FARP2: variants seen among roughly 807,000 people sequenced by gnomAD.
The protein encoded by FARP2 is FERM, ARHGEF and pleckstrin domain-containing protein 2.
A neutral mutation model predicts 130.5 loss-of-function variants in FARP2; 111 were observed. The ratio of observed to expected loss-of-function variants is 0.85; its 90% CI spans 0.73 to 1.00. The LOEUF (loss-of-function observed/expected upper bound fraction) is 1.00. Among genes scored for constraint, FARP2 ranks in the 50% least tolerant of loss-of-function variants. The pLI is 0.00. For synonymous variants in FARP2, 504 were observed against 516.9 expected (o/e 0.98, Z 0.34); for missense variants, 1,385 against 1,346.3 (o/e 1.03, Z -0.45).
chr2:241,386,301 G>T (rs1212657550), intron 2 of FARP2, among the ~76,000 whole-genome samples: 1 of 152,110 alleles, frequency 6.6e-6, no homozygotes, highest in Non-Finnish European at 1.5e-5. Flanking sequence ...GCTCAGGCTA[G>T]CTTGAGCCTG....
At chr2:241,473,377 G>T (rs1574893940) in intron 18 of FARP2, among the ~76,000 whole-genome samples, 1 of 151,420 alleles carries the variant, frequency 6.6e-6, no homozygotes, top group African/African-American at 2.4e-5. Flanking sequence ...TTCTGTGGGG[G>T]CCATGTTCTG....
intron 14 of FARP2, among the ~76,000 whole-genome samples, chr2:241,461,653 G>T (rs1261779834): frequency 6.6e-6 from 1 of 152,216 alleles, no homozygotes; most frequent in East Asian, 1.9e-4. Context: ...GGGGCAGGGG[G>T]CAGTGTCCAG....
rs139579563 is a variant in FARP2, at chr2:241,367,211, G to A, written c.-24-5873G>A. Reference sequence around the variant, plus strand: ...TCTCCCCAAGCTTCTGGGGCCAAGCGTGGTTTCTGTGATGCTGGGGCCACA... The same window carrying A: ...TCTCCCCAAGCTTCTGGGGCCAAGCATGGTTTCTGTGATGCTGGGGCCACA... On this transcript the variant is annotated intron_variant, in intron 1 of 26. Coordinates refer to ENST00000264042, the MANE Select transcript of FARP2 (RefSeq NM_014808.4). Among the ~76,000 whole-genome samples the A allele has an allele frequency of 2.3e-4, 35 of 152,214 alleles. No homozygotes were observed. In the East Asian group the frequency reaches 6.2e-3, roughly 27 times the overall value.
At chr2:241,358,176 G>A (rs1243932517) in intron 1 of FARP2, among the ~76,000 whole-genome samples, 2 of 152,280 alleles carry the variant, frequency 1.3e-5, no homozygotes, top group African/African-American at 4.8e-5. Context: ...GCGACAGAGC[G>A]AGACTCTGTC....
At chr2:241,382,907 A>AT (rs1337865820) in intron 2 of FARP2, among the ~76,000 whole-genome samples, 2 of 152,272 alleles carry the variant, frequency 1.3e-5, no homozygotes. Flanking sequence ...TTTGGTCTAC[A>AT]TCATATTTGA....
At position 241,369,567 on chromosome 2, in the gene FARP2, C is replaced by T. The variant is rs368266942; in HGVS notation, c.-24-3517C>T. On this transcript the variant is annotated intron_variant, in intron 1 of 26. Coordinates refer to ENST00000264042, the MANE Select transcript of FARP2 (RefSeq NM_014808.4). ...TTTTTTTTAGCAGTAGATGTTTAGA[C>T]ATGACTTTCTTATAATGAGTAGAAG... is the stretch of plus-strand genomic sequence containing the variant. Among the ~76,000 whole-genome samples the T allele has an allele frequency of 2.8e-4, 43 of 151,836 alleles. No individual in the cohort carries two copies. The East Asian group carries it at 5.0e-3, about 18-fold the overall frequency.
At chr2:241,492,644 T>C (rs1388290118) in intron 24 of FARP2, 1 of 355,282 alleles carries the variant, frequency 2.8e-6, no homozygotes, top group African/African-American at 2.1e-5. Context: ...TTCTCTCTTC[T>C]GGCTGTTGGA....
chr2:241,456,192 T>C (rs913901699), intron 13 of FARP2, among the ~76,000 whole-genome samples: 2 of 152,088 alleles, frequency 1.3e-5, no homozygotes, highest in Admixed American at 6.6e-5. Flanking sequence ...CAAAATAAAA[T>C]CCCCATTAAT....
At chr2:241,490,154 G>C (rs2124909312) in intron 22 of FARP2, 110 bp downstream of exon 22, 1 of 772,200 alleles carries the variant, frequency 1.3e-6, no homozygotes, top group Middle Eastern at 2.8e-4. Context: ...GTAGCCTCAT[G>C]GGGTTGTGCC....
chr2:241,493,452 T>C lies in FARP2; in HGVS notation c.3047+8T>C. The stretch of plus-strand genomic sequence containing the variant: ...CAAGTACACATTTGAAAGGTAATTT[T>C]GCAGGAGGCAGCCCTGGTCAGCTGC... On this transcript the variant is annotated splice_region_variant and intron_variant, in intron 26 of 26. Transcript: ENST00000264042. 6.2e-7 allele frequency: 1 copy of C among 1,613,534 alleles called. No homozygotes were observed. The highest frequency in any genetic ancestry group is 1.3e-5 in the African/African-American group (1 of 75,034).
At chr2:241,472,530 A>AT (rs1306806699) in intron 18 of FARP2, among the ~76,000 whole-genome samples, 1 of 147,026 alleles carries the variant, frequency 6.8e-6, no homozygotes, top group African/African-American at 2.5e-5. Context: ...TCTGTGGGGC[A>AT]TCTCATTCTG....
Position 241,490,062 on chromosome 2 carries a change from C to G in FARP2, c.2504+18C>G. The G allele has an allele frequency of 6.3e-7, 1 of 1,593,110 alleles. No homozygotes were observed. Among genetic ancestry groups the G allele is most frequent in the South Asian group, 1.1e-5 (1 of 90,660 alleles). Reference sequence around the variant, plus strand: ...GCAGCCAGGTAAGGGTCTTCCATGTCTCCATCCTGAGCAGCCCTGGATGGA... The same window carrying G: ...GCAGCCAGGTAAGGGTCTTCCATGTGTCCATCCTGAGCAGCCCTGGATGGA... On this transcript the variant is annotated intron_variant, in intron 22 of 26. Coordinates refer to ENST00000264042, the MANE Select transcript of FARP2 (RefSeq NM_014808.4).
At chr2:241,425,971 T>G (rs143163188) in intron 8 of FARP2, among the ~76,000 whole-genome samples, 52 of 152,048 alleles carry the variant, frequency 3.4e-4, no homozygotes, top group African/African-American at 1.2e-3. Context: ...AGACTAGAAT[T>G]CTGTGCTCTG....
intron 8 of FARP2, among the ~76,000 whole-genome samples, chr2:241,421,857 C>A (rs1559754155): frequency 6.6e-6 from 1 of 152,154 alleles, no homozygotes; most frequent in Non-Finnish European, 1.5e-5. Flanking sequence ...GCCCTAAAAA[C>A]AACAGGCCAG....
intron 7 of FARP2, 142 bp from the exon 8 acceptor site, chr2:241,417,813 TGTAGTGG>T: frequency 1.3e-6 from 1 of 799,814 alleles, no homozygotes; most frequent in Non-Finnish European, 2.0e-6. Flanking sequence ...ATGCTGTTTT[TGTAGTGG>T]GTAAACACAG....
Position 241,475,730 on chromosome 2 carries a change from G to C in FARP2, c.2132-127G>C. Reference sequence around the variant, plus strand: ...ATGTTGGGGACCGCTGCTATAAGGAGTCGAGTAGGATGTACCTCTAATTAG... The same window carrying C: ...ATGTTGGGGACCGCTGCTATAAGGACTCGAGTAGGATGTACCTCTAATTAG... On this transcript the variant is annotated intron_variant, in intron 18 of 26. Transcript: ENST00000264042. This position sits in a 1 kb window ranked among gnomAD's most constrained non-coding sequence, Gnocchi z 4.4. 1 of 772,210 alleles carries C rather than the reference G, an allele frequency of 1.3e-6. No homozygotes were observed. The highest frequency in any genetic ancestry group is 1.9e-6 in the Non-Finnish European group (1 of 535,322). 47.8% of individuals were successfully genotyped at this position (772,210 alleles called of 1,614,324 possible). A position where few individuals can be genotyped will look rare whatever the true frequency, so the allele number is the denominator to read the frequency against.
intron 21 of FARP2, among the ~76,000 whole-genome samples, chr2:241,485,333 C>T (rs181736727): frequency 6.6e-6 from 1 of 150,556 alleles, no homozygotes; most frequent in East Asian, 2.0e-4. Flanking sequence ...GATCTTCCCT[C>T]ATTCCCTGGG....
chr2:241,449,375 G>A (rs4675813), intron 13 of FARP2, among the ~76,000 whole-genome samples: 5 of 151,950 alleles, frequency 3.3e-5, no homozygotes, highest in Non-Finnish European at 7.4e-5. Flanking sequence ...TTCCTGTACC[G>A]CCTCTGAAGT....
intron 18 of FARP2, among the ~76,000 whole-genome samples, chr2:241,472,224 C>T (rs370959594): frequency 0.048 from 3,159 of 66,378 alleles, no homozygotes; most frequent in Admixed American, 0.15. Context: ...CTGAGGGGAC[C>T]ATGTTCTGTG....
Sources: allele counts gnomAD v4.1 joint callset (sites outside exome capture counted in the v4.1 genomes callset), GRCh38; gene constraint gnomAD v4.1.1; non-coding constraint Gnocchi (gnomAD v3.1); transcripts MANE v1.5; gene names NCBI Gene and HGNC (gene_info 2026-07-23, HGNC 2026-07-21).